Variants in TLK2 observed in about 807,000 individuals in gnomAD.
TLK2 encodes serine/threonine-protein kinase tousled-like 2.
In TLK2, 6 loss-of-function variants were observed where a neutral mutation model predicts 117.3. The ratio of observed to expected loss-of-function variants is 0.05; its 90% confidence interval spans 0.03 to 0.10. The LOEUF is 0.10. TLK2 is among the 10% of genes least tolerant of loss of function. The probability of loss-of-function intolerance (pLI) is 1.00; values close to 1 mark genes in which losing one functional copy is unlikely to be tolerated. For synonymous variants in TLK2, 257 were observed against 316.7 expected, an observed-to-expected ratio of 0.81 and a Z score of 2.00; for missense variants, 299 against 901.2, an observed-to-expected ratio of 0.33 and a Z score of 8.56.
intron 2 of TLK2, among the ~76,000 whole-genome samples, chr17:62,485,928 C>G (rs1185923358): frequency 6.7e-6 from 1 of 149,054 alleles, no homozygotes; most frequent in Non-Finnish European, 1.5e-5. Context: ...TCACGCCATT[C>G]TCCTGCCTCA....
chr17:62,585,581 A>G (rs1045457190), intron 15 of TLK2: 1 of 152,384 alleles, frequency 6.6e-6, no homozygotes, highest in Non-Finnish European at 1.5e-5. Flanking sequence ...CCCAGCATAT[A>G]GAGATGGGAC....
In TLK2 at chr17:62,612,551, A is replaced by C; in HGVS notation, c.2239A>C (p.Ser747Arg). ...IASTSGASNN[S>R]SSN Reference sequence around the variant, plus strand: ...ATCAACCTCTGGGGCGTCCAATAACAGTTCTTCTAATTGAGACTGACTCCA... The same window carrying C: ...ATCAACCTCTGGGGCGTCCAATAACCGTTCTTCTAATTGAGACTGACTCCA... The change falls in exon 22 of 22, where the codon AGT becomes CGT. Residue 747 changes from serine to arginine, a missense_variant. Coordinates refer to ENST00000346027, the MANE Select transcript of TLK2 (RefSeq NM_006852.6). 6.2e-7 allele frequency: 1 copy of C among 1,612,810 alleles called. No homozygotes were observed. Among genetic ancestry groups the C allele is most frequent in the Non-Finnish European group, 8.5e-7 (1 of 1,179,368 alleles).
At chr17:62,515,050 G>C (rs1192601940) in intron 2 of TLK2, among the ~76,000 whole-genome samples, 3 of 152,094 alleles carry the variant, frequency 2.0e-5, no homozygotes, top group African/African-American at 7.2e-5. Flanking sequence ...CCAACCCCTG[G>C]CAGCTACCAT....
intron 2 of TLK2, among the ~76,000 whole-genome samples, chr17:62,514,566 C>T (rs1024978012): frequency 4.0e-5 from 6 of 150,854 alleles, no homozygotes; most frequent in Non-Finnish European, 5.9e-5. Context: ...ATAAAATTTA[C>T]CATCTTAACC....
chr17:62,501,939 ACAAT>A (rs1372797965), intron 2 of TLK2, among the ~76,000 whole-genome samples: 1 of 152,052 alleles, frequency 6.6e-6, no homozygotes, highest in Non-Finnish European at 1.5e-5. Context: ...TCACAAACAA[ACAAT>A]CAAACAAAGT....
chr17:62,544,971 TTTC>T (rs2146011650), intron 7 of TLK2, among the ~76,000 whole-genome samples: 1 of 152,342 alleles, frequency 6.6e-6, no homozygotes, highest in East Asian at 1.9e-4. Flanking sequence ...ATGGAATAGT[TTTC>T]TTAGTTTTAT....
intron 13 of TLK2, among the ~76,000 whole-genome samples, chr17:62,577,529 G>T (rs371390453): frequency 7.2e-5 from 11 of 152,090 alleles, no homozygotes; most frequent in African/African-American, 2.4e-4. Flanking sequence ...AAATACAAAG[G>T]CACATAACAT....
At chr17:62,485,783 G>A (rs2072272375) in intron 2 of TLK2, among the ~76,000 whole-genome samples, 1 of 148,606 alleles carries the variant, frequency 6.7e-6, no homozygotes, top group Non-Finnish European at 1.5e-5. Context: ...AGGTGATAAG[G>A]TTAAACTGGG....
intron 2 of TLK2, among the ~76,000 whole-genome samples, chr17:62,501,416 TA>T (rs933357366): frequency 4.0e-5 from 6 of 151,408 alleles, no homozygotes; most frequent in African/African-American, 1.5e-4. Flanking sequence ...AGAAGAGAAA[TA>T]ATAAAGAGCT....
At chr17:62,580,774 G>A (rs181019099) in intron 15 of TLK2, among the ~76,000 whole-genome samples, 65 of 152,218 alleles carry the variant, frequency 4.3e-4, no homozygotes, top group Middle Eastern at 6.8e-3. Flanking sequence ...TAACATGTGG[G>A]TTTGATTTTT....
intron 19 of TLK2, 107 bp downstream of exon 19, chr17:62,602,287 C>T (rs2082926885): frequency 1.7e-6 from 2 of 1,204,478 alleles, no homozygotes; most frequent in East Asian, 5.1e-5. Context: ...GGCAAAAATG[C>T]CATAAACCAA....
chr17:62,533,661 G>T (rs1224155889), intron 6 of TLK2, among the ~76,000 whole-genome samples: 1 of 151,680 alleles, frequency 6.6e-6, no homozygotes, highest in African/African-American at 2.4e-5. Flanking sequence ...ATTTTTAGTA[G>T]AGGCAGGGTT....
intron 3 of TLK2, among the ~76,000 whole-genome samples, chr17:62,521,293 A>G (rs958753331): frequency 2.0e-5 from 3 of 152,146 alleles, no homozygotes; most frequent in African/African-American, 4.8e-5. Flanking sequence ...TATTATAATC[A>G]TGTGTGGATC....
Position 62,595,304 on chromosome 17 carries a change from T to TA in TLK2, c.1461-1278dup, listed in dbSNP as rs1555657360. Among the ~76,000 whole-genome samples, 5 of 148,972 alleles carry TA rather than the reference T, an allele frequency of 3.4e-5. 1 individual carries two copies. The South Asian group carries it at 6.3e-4, about 19-fold the overall frequency. ...CCCCCTTTTTTTTTTTTTTTTTTTT[T>TA]AAATCAGCGTTATAACAAAATGATG... is the stretch of plus-strand genomic sequence containing the variant. On this transcript the variant is annotated intron_variant, in intron 16 of 21. Coordinates refer to ENST00000346027, the MANE Select transcript of TLK2 (RefSeq NM_006852.6).
intron 16 of TLK2, 55 bp downstream of exon 16, chr17:62,586,281 A>G: frequency 7.9e-7 from 1 of 1,259,040 alleles, no homozygotes. Context: ...CTGTAGTTTG[A>G]GCATTATGCT....
At chr17:62,477,835 C>T (rs572640434), upstream of TLK2, 2 of 152,286 alleles carry the variant, frequency 1.3e-5, no homozygotes, top group Admixed American at 6.5e-5. Context: ...AGTTCTCATT[C>T]CTCAGGAGAT....
chr17:62,477,802 G>A (rs1225967257), upstream of TLK2: 4 of 152,414 alleles, frequency 2.6e-5, no homozygotes, highest in African/African-American at 9.6e-5. Context: ...TGCTATGCAG[G>A]AAGCCCTCCT....
At chr17:62,472,097 G>C (rs1297414761) in intron 1 of TLK2, among the ~76,000 whole-genome samples, 1 of 150,960 alleles carries the variant, frequency 6.6e-6, no homozygotes, top group Admixed American at 6.6e-5. Flanking sequence ...TAGTAGAGAC[G>C]GGGTTTCACC....
At chr17:62,524,423 A>C in intron 6 of TLK2, 92 bp downstream of exon 6, 2 of 1,323,066 alleles carry the variant, frequency 1.5e-6, no homozygotes, top group Non-Finnish European at 2.1e-6. Context: ...TTAATTACCC[A>C]CAGGGAATGA....
Sources: gnomAD v4.1 joint callset for allele counts (sites outside exome capture counted in the v4.1 genomes callset) on GRCh38, gnomAD v4.1.1 for gene constraint, MANE v1.5 for transcripts, NCBI Gene and HGNC (gene_info 2026-07-23, HGNC 2026-07-21) for gene names.